The following PCDH9 variants were observed in gnomAD, a reference collection of about 807,000 sequenced individuals.
The protein encoded by PCDH9 is protocadherin-9.
Under a neutral mutation model 70.6 loss-of-function variants are expected in PCDH9, and 24 were observed. That is an observed-to-expected ratio of 0.34 (90% CI 0.25 to 0.48). PCDH9 has a LOEUF of 0.48. Ranked by LOEUF, PCDH9 falls within the 20% of genes least tolerant of loss-of-function variation. The probability of loss-of-function intolerance (pLI) is 0.99; values close to 1 mark genes in which losing one functional copy is unlikely to be tolerated. For synonymous variants in PCDH9, 562 were observed against 558.5 expected (o/e 1.01, Z -0.09); for missense variants, 1,281 against 1,503.6 (o/e 0.85, Z 2.45).
At chr13:66,773,422 AT>A (rs2079840566) in intron 3 of PCDH9, among the ~76,000 whole-genome samples, 1 of 151,684 alleles carries the variant, frequency 6.6e-6, no homozygotes, top group South Asian at 2.1e-4. Flanking sequence ...AGGTCAGGAG[AT>A]AGAAACCATC....
chr13:66,759,185 A>G (rs2079583881), intron 3 of PCDH9, among the ~76,000 whole-genome samples: 1 of 152,012 alleles, frequency 6.6e-6, no homozygotes, highest in African/African-American at 2.4e-5. Flanking sequence ...GGGTACGTAT[A>G]TATTTACAAT....
chr13:66,542,199 C>T (rs1382295809), intron 4 of PCDH9, among the ~76,000 whole-genome samples: 1 of 151,870 alleles, frequency 6.6e-6, no homozygotes, highest in Non-Finnish European at 1.5e-5. Context: ...GTGAAATATC[C>T]AACGGAATAT....
chr13:66,724,434 T>C (rs540437019), intron 3 of PCDH9, among the ~76,000 whole-genome samples: 2 of 152,338 alleles, frequency 1.3e-5, no homozygotes, highest in South Asian at 2.1e-4. Flanking sequence ...TATCAATCTT[T>C]ACATTTCTCT....
chr13:66,901,504 G>C (rs1184085525), intron 3 of PCDH9, among the ~76,000 whole-genome samples: 1 of 151,660 alleles, frequency 6.6e-6, no homozygotes, highest in Non-Finnish European at 1.5e-5. Context: ...GAGAATGATG[G>C]TTAAATGAGA....
At chr13:66,403,039 A>G (rs1304196012) in intron 4 of PCDH9, among the ~76,000 whole-genome samples, 3 of 152,340 alleles carry the variant, frequency 2.0e-5, no homozygotes, top group Non-Finnish European at 2.9e-5. Context: ...TAACAAATGT[A>G]TCTGAGAAAG....
At chr13:66,481,942 GCA>G (rs10611896) in intron 4 of PCDH9, among the ~76,000 whole-genome samples, 50,428 of 148,218 alleles carry the variant, frequency 0.34, 8,386 homozygotes, top group Non-Finnish European at 0.37. Flanking sequence ...ACACATGCAC[GCA>G]CACACACACA....
At chr13:67,058,493 A>G (rs1290063316) in intron 2 of PCDH9, among the ~76,000 whole-genome samples, 2 of 152,164 alleles carry the variant, frequency 1.3e-5, no homozygotes, top group Non-Finnish European at 2.9e-5. Flanking sequence ...CGTCAGGGCC[A>G]TGGTCTAGTC....
chr13:67,084,339 C>T lies in PCDH9; in HGVS notation c.3036+141066G>A, dbSNP rs182198700. Among the ~76,000 whole-genome samples the T allele has an allele frequency of 6.6e-5, 10 of 152,276 alleles. No homozygotes were observed. In the East Asian group the frequency reaches 1.9e-3, roughly 30 times the overall value. The stretch of plus-strand genomic sequence containing the variant: ...CCTAGGGAGCCTAGAGAAAGTCCCA[C>T]TCATGAGCCAGAGCTGACATTCTCT... On this transcript the variant is annotated intron_variant, in intron 2 of 4. Transcript: ENST00000377865.
intron 2 of PCDH9, among the ~76,000 whole-genome samples, chr13:67,009,135 G>T (rs2084407363): frequency 6.6e-6 from 1 of 151,870 alleles, no homozygotes; most frequent in African/African-American, 2.4e-5. Context: ...AACCAACTTA[G>T]GGCCTCGTTA....
At chr13:67,082,930 A>G (rs1472675770) in intron 2 of PCDH9, among the ~76,000 whole-genome samples, 1 of 152,096 alleles carries the variant, frequency 6.6e-6, no homozygotes, top group Admixed American at 6.6e-5. Context: ...CATTGATTCT[A>G]TTTGTTCTTT....
At chr13:66,311,685 C>T (rs945644726) in intron 4 of PCDH9, among the ~76,000 whole-genome samples, 5 of 151,958 alleles carry the variant, frequency 3.3e-5, no homozygotes, top group African/African-American at 9.7e-5. Context: ...GCCCTCATGC[C>T]CTTTGGAGAC....
intron 2 of PCDH9, among the ~76,000 whole-genome samples, chr13:67,106,310 T>C (rs2086542214): frequency 6.6e-6 from 1 of 152,216 alleles, no homozygotes; most frequent in East Asian, 1.9e-4. Context: ...TAGATACATG[T>C]AACCATTCCA....
intron 4 of PCDH9, among the ~76,000 whole-genome samples, chr13:66,598,621 G>A (rs978472854): frequency 1.3e-5 from 2 of 151,620 alleles, no homozygotes; most frequent in East Asian, 3.9e-4. Flanking sequence ...AATTCAACAG[G>A]GCCAAATGGA....
At chr13:67,104,843 T>A (rs1004407588) in intron 2 of PCDH9, among the ~76,000 whole-genome samples, 3 of 152,176 alleles carry the variant, frequency 2.0e-5, no homozygotes, top group African/African-American at 7.2e-5. Context: ...GCCACCGCGC[T>A]GGGCCAATAA....
chr13:66,310,469 T>C (rs1452695683), intron 4 of PCDH9, among the ~76,000 whole-genome samples: 1 of 152,048 alleles, frequency 6.6e-6, no homozygotes, highest in East Asian at 1.9e-4. Context: ...CATTTTACTA[T>C]AACCAGAAGC....
At chr13:66,819,762 G>A (rs1045393153) in intron 3 of PCDH9, among the ~76,000 whole-genome samples, 2 of 152,120 alleles carry the variant, frequency 1.3e-5, no homozygotes, top group African/African-American at 4.8e-5. Context: ...AGTGCATGGT[G>A]GCACCTGCCT....
At chr13:66,859,331 T>C (rs1035117538) in intron 3 of PCDH9, among the ~76,000 whole-genome samples, 1 of 152,204 alleles carries the variant, frequency 6.6e-6, no homozygotes, top group Non-Finnish European at 1.5e-5. Context: ...TTGGTTGGCA[T>C]TTCCTCATTT....
chr13:67,091,828 G>C (rs1002525416), intron 2 of PCDH9, among the ~76,000 whole-genome samples: 1 of 152,102 alleles, frequency 6.6e-6, no homozygotes, highest in African/African-American at 2.4e-5. Flanking sequence ...GTTATTTATA[G>C]TGTCAATCCA....
intron 2 of PCDH9, among the ~76,000 whole-genome samples, chr13:66,969,681 C>T (rs367869100): frequency 1.3e-5 from 2 of 152,018 alleles, no homozygotes; most frequent in Middle Eastern, 3.4e-3. Context: ...ATCTCAGAAA[C>T]GTTTGTGCTT....
Sources: gnomAD v4.1 joint callset for allele counts (sites outside exome capture counted in the v4.1 genomes callset) on GRCh38, gnomAD v4.1.1 for gene constraint, MANE v1.5 for transcripts, NCBI Gene and HGNC (gene_info 2026-07-23, HGNC 2026-07-21) for gene names.